The following C9orf85 variants were observed in gnomAD, a reference collection of about 807,000 sequenced individuals.
The protein encoded by C9orf85 is chromosome 9 open reading frame 85, also known as uncharacterized protein C9orf85.
In C9orf85, 16 loss-of-function variants were observed where a neutral mutation model predicts 14.9. The observed-to-expected ratio is 1.08, with a 90% CI of 0.73 to 1.63. C9orf85 has a LOEUF of 1.63. Among genes scored for constraint, C9orf85 ranks in the 40% most tolerant of loss-of-function variants. C9orf85 has a pLI of 0.00. For synonymous variants in C9orf85, 45 were observed against 56.8 expected, an observed-to-expected ratio of 0.79 and a Z score of 0.93; for missense variants, 172 against 186.1, an observed-to-expected ratio of 0.92 and a Z score of 0.44.
intron 1 of C9orf85, 133 bp downstream of exon 1, chr9:71,911,969 A>C (rs1483112436): frequency 3.9e-6 from 3 of 770,178 alleles, no homozygotes; most frequent in Non-Finnish European, 6.9e-6. Context: ...GCTGCAGTGC[A>C]ACTCTTTCTA....
chr9:71,953,808 G>T (rs1160214561), intron 2 of C9orf85, among the ~76,000 whole-genome samples: 2 of 152,104 alleles, frequency 1.3e-5, no homozygotes, highest in Admixed American at 6.6e-5. Flanking sequence ...AAAAAAAAGT[G>T]GGGGAGGGAG....
At chr9:71,981,533 G>T (rs1823096204) in intron 3 of C9orf85, among the ~76,000 whole-genome samples, 1 of 152,208 alleles carries the variant, frequency 6.6e-6, no homozygotes, top group Admixed American at 6.5e-5. Context: ...TCCCTTGAGT[G>T]AGACCCCACC....
intron 1 of C9orf85, among the ~76,000 whole-genome samples, chr9:71,934,342 A>T (rs1828139308): frequency 6.6e-6 from 1 of 152,050 alleles, no homozygotes; most frequent in African/African-American, 2.4e-5. Flanking sequence ...AAACAAACAA[A>T]CAAAAAATCC....
intron 2 of C9orf85, among the ~76,000 whole-genome samples, chr9:71,958,999 T>C (rs1050325379): frequency 6.6e-6 from 1 of 152,158 alleles, no homozygotes; most frequent in Non-Finnish European, 1.5e-5. Flanking sequence ...ATCCACCTCT[T>C]GTCAATTATT....
intron 2 of C9orf85, among the ~76,000 whole-genome samples, chr9:71,947,575 A>C (rs775832899): frequency 9.2e-5 from 14 of 152,178 alleles, no homozygotes; most frequent in Non-Finnish European, 1.6e-4. Context: ...TTCTTTGGGA[A>C]TAGAGGTCTA....
intron 1 of C9orf85, among the ~76,000 whole-genome samples, chr9:71,915,467 G>A (rs1403893136): frequency 3.3e-5 from 5 of 151,988 alleles, no homozygotes; most frequent in African/African-American, 4.8e-5. Flanking sequence ...GTGAGCCACC[G>A]TACCCAGCTA....
intron 1 of C9orf85, among the ~76,000 whole-genome samples, chr9:71,916,838 T>C (rs571918607): frequency 6.6e-6 from 1 of 152,344 alleles, no homozygotes; most frequent in South Asian, 2.1e-4. Flanking sequence ...ATTTCAGATT[T>C]TTTGGATTAG....
chr9:71,977,837 A>C (rs1823032813), downstream of C9orf85, among the ~76,000 whole-genome samples: 1 of 152,188 alleles, frequency 6.6e-6, no homozygotes, highest in Non-Finnish European at 1.5e-5. Flanking sequence ...CACTGATGGA[A>C]TCTAGGGGGT....
chr9:71,948,930 T>A (rs922840132), intron 2 of C9orf85, among the ~76,000 whole-genome samples: 4 of 152,166 alleles, frequency 2.6e-5, no homozygotes, highest in African/African-American at 9.7e-5. Flanking sequence ...AGTTTTATGC[T>A]TAGTGGCCCA....
At chr9:71,942,211 C>G (rs1375086121) in intron 1 of C9orf85, among the ~76,000 whole-genome samples, 1 of 152,136 alleles carries the variant, frequency 6.6e-6, no homozygotes, top group African/African-American at 2.4e-5. Flanking sequence ...ACATTGAGAA[C>G]CAGGATAGAA....
chr9:71,984,963 G>A (rs563408939), downstream of C9orf85: 3 of 152,406 alleles, frequency 2.0e-5, no homozygotes, highest in East Asian at 5.8e-4. Flanking sequence ...AGAGAGGCAT[G>A]ATGAAGACAG....
chr9:71,969,239 C>A (rs1157454506), intron 2 of C9orf85, among the ~76,000 whole-genome samples: 3 of 152,156 alleles, frequency 2.0e-5, no homozygotes, highest in Admixed American at 2.0e-4. Context: ...ACCTCTGTCT[C>A]CCAGGTTCAA....
chr9:71,929,620 C>G (rs1828023174), intron 1 of C9orf85, among the ~76,000 whole-genome samples: 1 of 151,934 alleles, frequency 6.6e-6, no homozygotes, highest in Non-Finnish European at 1.5e-5. Context: ...TGAACTTTTC[C>G]AACTTCGAAA....
downstream of C9orf85, among the ~76,000 whole-genome samples, chr9:71,976,615 T>A (rs1823002766): frequency 6.7e-6 from 1 of 149,790 alleles, no homozygotes; most frequent in South Asian, 2.1e-4. Flanking sequence ...TGAGCCGAGA[T>A]CGCGCCACTG....
intron 2 of C9orf85, among the ~76,000 whole-genome samples, chr9:71,950,921 C>T (rs1822227544): frequency 6.6e-6 from 1 of 152,052 alleles, no homozygotes; most frequent in African/African-American, 2.4e-5. Flanking sequence ...ATTTGTTTAC[C>T]TTGTGAATCA....
At chr9:71,955,588 G>A (rs1349848711) in intron 2 of C9orf85, among the ~76,000 whole-genome samples, 1 of 152,204 alleles carries the variant, frequency 6.6e-6, no homozygotes, top group Non-Finnish European at 1.5e-5. Context: ...GCTGACTATG[G>A]TTGGCTGAGA....
At chr9:71,929,979 T>G (rs1828032189) in intron 1 of C9orf85, among the ~76,000 whole-genome samples, 1 of 150,688 alleles carries the variant, frequency 6.6e-6, no homozygotes. Flanking sequence ...ACGAGGATAA[T>G]TATACCTACT....
At chr9:71,952,483 GCCTCCCGAGTAGCTGGGA>G (rs1442298239) in intron 2 of C9orf85, among the ~76,000 whole-genome samples, 2 of 152,134 alleles carry the variant, frequency 1.3e-5, no homozygotes, top group Admixed American at 6.6e-5. Context: ...TCCTGCCTCA[GCCTCCCGAGTAGCTGGGA>G]CTACAGACGC....
At position 71,956,241 on chromosome 9, in the gene C9orf85, A is replaced by C. The variant is rs552293688; in HGVS notation, c.209+9129A>C. 4.5e-5 allele frequency among the ~76,000 whole-genome samples: 6 copies of C among 132,072 alleles called. No individual in the cohort carries two copies. The Admixed American group carries it at 5.4e-4, about 12-fold the overall frequency. The allele number at this position is 132,072 out of a possible 152,430, so 86.6% of individuals were successfully genotyped here. On this transcript the variant is annotated intron_variant, in intron 2 of 3. Coordinates refer to ENST00000334731, the MANE Select transcript of C9orf85 (RefSeq NM_182505.5). The stretch of plus-strand genomic sequence containing the variant: ...TTGGTAATAGGAAGGGGAATGCAAA[A>C]GTTTTTTTTTTTTTTTTTTTTTTTT...
Sources: gnomAD v4.1 joint callset for allele counts (sites outside exome capture counted in the v4.1 genomes callset) on GRCh38, gnomAD v4.1.1 for gene constraint, MANE v1.5 for transcripts, NCBI Gene and HGNC (gene_info 2026-07-23, HGNC 2026-07-21) for gene names.